The following SORCS1 variants were observed in gnomAD, a reference collection of about 807,000 sequenced individuals.
SORCS1 encodes the protein VPS10 domain-containing receptor SorCS1.
In SORCS1, 60 loss-of-function variants were observed where a neutral mutation model predicts 146.1. That is an observed-to-expected ratio of 0.41 (90% confidence interval 0.33 to 0.51). The LOEUF (loss-of-function observed/expected upper bound fraction) is 0.51, where lower values mean the gene tolerates loss of function less well. Among genes scored for constraint, SORCS1 ranks in the 20% least tolerant of loss-of-function variants. SORCS1 has a pLI of 0.21. For synonymous variants in SORCS1, 637 were observed against 584.0 expected (o/e 1.09, Z -1.31); for missense variants, 1,352 against 1,487.6 (o/e 0.91, Z 1.50).
chr10:107,158,469 C>T (rs1482215551), intron 1 of SORCS1, among the ~76,000 whole-genome samples: 7 of 152,176 alleles, frequency 4.6e-5, no homozygotes, highest in Admixed American at 1.3e-4. Context: ...TTACAATCTT[C>T]TCTACATTTC....
intron 1 of SORCS1, among the ~76,000 whole-genome samples, chr10:107,148,077 G>C (rs920335380): frequency 3.3e-5 from 5 of 152,200 alleles, no homozygotes; most frequent in African/African-American, 9.7e-5. Flanking sequence ...CAAAGGGGCA[G>C]GGACGGAAAA....
intron 3 of SORCS1, among the ~76,000 whole-genome samples, chr10:106,782,324 T>G (rs1428078125): frequency 3.3e-5 from 5 of 152,182 alleles, no homozygotes; most frequent in Admixed American, 2.6e-4. Flanking sequence ...GGAGTGCAGT[T>G]GAATGATCAC....
chr10:106,723,146 C>G (rs553175297), intron 6 of SORCS1, among the ~76,000 whole-genome samples: 1 of 152,044 alleles, frequency 6.6e-6, no homozygotes, highest in Non-Finnish European at 1.5e-5. Flanking sequence ...CATGGTGAGA[C>G]CTTATCTCTA....
intron 2 of SORCS1, among the ~76,000 whole-genome samples, chr10:106,951,239 C>T (rs1331762573): frequency 1.3e-5 from 2 of 152,112 alleles, no homozygotes; most frequent in African/African-American, 2.4e-5. Flanking sequence ...TGGCCGGGCA[C>T]GGTGGTTAAC....
intron 15 of SORCS1, 147 bp from the exon 16 acceptor site, chr10:106,671,514 G>A (rs934443918): frequency 2.8e-6 from 3 of 1,063,268 alleles, no homozygotes; most frequent in Admixed American, 2.3e-5. Context: ...TTTTCCTTTT[G>A]CGGTCTAGAG....
intron 17 of SORCS1, among the ~76,000 whole-genome samples, chr10:106,655,850 C>A (rs1173727996): frequency 1.3e-5 from 2 of 152,146 alleles, no homozygotes; most frequent in East Asian, 1.9e-4. Flanking sequence ...ATTTTCATCC[C>A]AGCAGCTGTC....
chr10:106,874,962 G>A (rs1950544070), intron 2 of SORCS1, among the ~76,000 whole-genome samples: 1 of 152,110 alleles, frequency 6.6e-6, no homozygotes, highest in African/African-American at 2.4e-5. Flanking sequence ...ATTTTTTAAT[G>A]TATTATTTTA....
intron 24 of SORCS1, among the ~76,000 whole-genome samples, chr10:106,588,216 T>A (rs1190831084): frequency 6.6e-6 from 1 of 152,244 alleles, no homozygotes; most frequent in Non-Finnish European, 1.5e-5. Context: ...ATCTAGATTA[T>A]GGATTTAATA....
chr10:106,765,043 A>G (rs994415828), intron 4 of SORCS1, among the ~76,000 whole-genome samples: 3 of 148,034 alleles, frequency 2.0e-5, no homozygotes, highest in African/African-American at 7.5e-5. Context: ...AAAAAAAAAA[A>G]AGCCATTCTT....
chr10:107,009,866 CG>C (rs1465313154), intron 1 of SORCS1, among the ~76,000 whole-genome samples: 2 of 151,826 alleles, frequency 1.3e-5, no homozygotes, highest in Admixed American at 1.3e-4. Context: ...GGAGACAATA[CG>C]TAATATAAGT....
intron 10 of SORCS1, among the ~76,000 whole-genome samples, chr10:106,683,693 G>A (rs190797568): frequency 3.8e-4 from 58 of 152,184 alleles, no homozygotes; most frequent in African/African-American, 1.0e-3. Flanking sequence ...TTATCTCCAT[G>A]GTATCTAATC....
chr10:106,976,541 T>C (rs186854294), intron 1 of SORCS1, among the ~76,000 whole-genome samples: 218 of 151,940 alleles, frequency 1.4e-3, no homozygotes, highest in East Asian at 7.6e-3. Flanking sequence ...CCGTGTTAGC[T>C]AGGATGGTCT....
chr10:106,974,325 G>T (rs1378628529), intron 1 of SORCS1, among the ~76,000 whole-genome samples: 1 of 152,164 alleles, frequency 6.6e-6, no homozygotes, highest in African/African-American at 2.4e-5. Flanking sequence ...AATCTGGAAA[G>T]GTTTTATAAA....
chr10:106,806,717 A>G (rs951741087), intron 3 of SORCS1, among the ~76,000 whole-genome samples: 47 of 151,776 alleles, frequency 3.1e-4, no homozygotes, highest in South Asian at 1.5e-3. Flanking sequence ...GGGTTTCACC[A>G]TGTTAGCCAG....
chr10:106,792,787 C>T (rs1417524281), intron 3 of SORCS1, among the ~76,000 whole-genome samples: 1 of 152,146 alleles, frequency 6.6e-6, no homozygotes, highest in Non-Finnish European at 1.5e-5. Flanking sequence ...TAAATGGAAC[C>T]TTATGTGCCT....
At chr10:107,099,050 C>T (rs1964736431) in intron 1 of SORCS1, among the ~76,000 whole-genome samples, 1 of 152,172 alleles carries the variant, frequency 6.6e-6, no homozygotes, top group Non-Finnish European at 1.5e-5. Flanking sequence ...AAGGAAGTTT[C>T]AGTTGCTCTG....
At chr10:107,112,079 G>A (rs551916676) in intron 1 of SORCS1, among the ~76,000 whole-genome samples, 10 of 152,150 alleles carry the variant, frequency 6.6e-5, no homozygotes, top group African/African-American at 2.2e-4. Context: ...GTAAGCTTAA[G>A]TATGTAGTCA....
intron 6 of SORCS1, among the ~76,000 whole-genome samples, chr10:106,727,427 CACTACAGTCTTGA>C (rs1856284063): frequency 6.6e-6 from 1 of 152,286 alleles, no homozygotes; most frequent in East Asian, 1.9e-4. Context: ...GTTCACAGTG[CACTACAGTCTTGA>C]ACTCCTGGGC....
chr10:106,721,360 G>T (rs1855767552), intron 6 of SORCS1, among the ~76,000 whole-genome samples: 1 of 152,120 alleles, frequency 6.6e-6, no homozygotes, highest in African/African-American at 2.4e-5. Flanking sequence ...TGGCCAAAGT[G>T]GGGGTAGCAA....
Sources: gnomAD v4.1 joint callset for allele counts (sites outside exome capture counted in the v4.1 genomes callset) on GRCh38, gnomAD v4.1.1 for gene constraint, MANE v1.5 for transcripts, NCBI Gene and HGNC (gene_info 2026-07-23, HGNC 2026-07-21) for gene names.